The following SORCS1 variants were observed in gnomAD, a reference collection of about 807,000 sequenced individuals.
SORCS1 encodes sortilin related VPS10 domain containing receptor 1.
Under a neutral mutation model 146.1 loss-of-function variants are expected in SORCS1, and 60 were observed. That is an observed-to-expected ratio of 0.41 (90% CI 0.33 to 0.51). The LOEUF is 0.51. Ranked by LOEUF, SORCS1 falls within the 20% of genes least tolerant of loss-of-function variation. The pLI, the probability that SORCS1 is intolerant of heterozygous loss-of-function variation, is 0.21. For synonymous variants in SORCS1, 637 were observed against 584.0 expected (o/e 1.09, Z -1.31); for missense variants, 1,352 against 1,487.6 (o/e 0.91, Z 1.50).
chr10:107,090,336 T>C (rs1288937357), intron 1 of SORCS1, among the ~76,000 whole-genome samples: 2 of 152,138 alleles, frequency 1.3e-5, no homozygotes, highest in Non-Finnish European at 2.9e-5. Context: ...CCAGTTACCA[T>C]GTAAGTTGTG....
Position 106,668,830 on chromosome 10 carries a change from G to A in SORCS1, c.2190-1028C>T, listed in dbSNP as rs1851367160. Among the ~76,000 whole-genome samples, 7 of 152,266 alleles carry A rather than the reference G, an allele frequency of 4.6e-5. No homozygotes were observed. The South Asian group carries it at 1.2e-3, about 27-fold the overall frequency. On this transcript the variant is annotated intron_variant, in intron 16 of 25. Coordinates refer to ENST00000263054, the MANE Select transcript of SORCS1 (RefSeq NM_052918.5). ...AGGAAGTTACTTTACGAATGCTGGA[G>A]AGGGACAGGCAAGGTCATTTGGGGG...
At position 106,576,008 on chromosome 10, in the gene SORCS1, G is replaced by T; in HGVS notation, c.*1412C>A. 6.6e-6 allele frequency: 1 copy of T among 152,638 alleles called. No homozygotes were observed. The allele number at this position is 152,638 out of a possible 1,614,324, so 9.5% of individuals were successfully genotyped here. The stretch of plus-strand genomic sequence containing the variant: ...GATCGCACGAGATTTTCGTTAAGGT[G>T]TGAGAACACCACAATTCATCTCTAT... On this transcript the variant is annotated 3_prime_UTR_variant, in exon 26 of 26. Coordinates refer to ENST00000263054, the MANE Select transcript of SORCS1 (RefSeq NM_052918.5).
At chr10:107,026,462 A>G (rs760776075) in intron 1 of SORCS1, among the ~76,000 whole-genome samples, 1 of 151,982 alleles carries the variant, frequency 6.6e-6, no homozygotes, top group Non-Finnish European at 1.5e-5. Context: ...TACTAAAAAT[A>G]CAAAAAATTA....
chr10:106,694,084 G>A (rs995016502), intron 9 of SORCS1, among the ~76,000 whole-genome samples: 4 of 152,126 alleles, frequency 2.6e-5, no homozygotes, highest in South Asian at 2.1e-4. Context: ...TATTTTTCTC[G>A]AGAGGACAAC....
At chr10:106,954,577 T>C (rs899398475) in intron 2 of SORCS1, among the ~76,000 whole-genome samples, 12 of 152,192 alleles carry the variant, frequency 7.9e-5, no homozygotes, top group African/African-American at 2.9e-4. Context: ...CTTGTCCCTA[T>C]CTGCCTAGGA....
intron 17 of SORCS1, among the ~76,000 whole-genome samples, chr10:106,659,428 A>C (rs948236309): frequency 6.6e-6 from 1 of 152,224 alleles, no homozygotes; most frequent in African/African-American, 2.4e-5. Context: ...ACTGATTGAG[A>C]ATGGCTCACA....
chr10:106,996,257 T>C (rs1364103378), intron 1 of SORCS1, among the ~76,000 whole-genome samples: 1 of 4,894 alleles, frequency 2.0e-4, no homozygotes, highest in Non-Finnish European at 2.8e-4. Context: ...AAATAGAATG[T>C]AGAAATGAAA....
intron 20 of SORCS1, 35 bp from the exon 21 acceptor site, chr10:106,618,307 C>T (rs1277345809): frequency 6.2e-7 from 1 of 1,608,158 alleles, no homozygotes; most frequent in African/African-American, 1.3e-5. Context: ...GAAGGGAAAG[C>T]TCTTTAGTTA....
intron 6 of SORCS1, among the ~76,000 whole-genome samples, chr10:106,723,229 A>G (rs1035242201): frequency 9.2e-5 from 14 of 152,218 alleles, no homozygotes; most frequent in Admixed American, 1.3e-4. Context: ...AACGGAGATT[A>G]AATAAGATAC....
At chr10:106,830,230 T>C (rs1948481188) in intron 2 of SORCS1, among the ~76,000 whole-genome samples, 1 of 152,228 alleles carries the variant, frequency 6.6e-6, no homozygotes, top group African/African-American at 2.4e-5. Context: ...TAAGCAATCC[T>C]GAGTCAGGAG....
intron 1 of SORCS1, among the ~76,000 whole-genome samples, chr10:107,083,981 AC>A (rs1313530485): frequency 6.6e-6 from 1 of 152,134 alleles, no homozygotes; most frequent in African/African-American, 2.4e-5. Flanking sequence ...TCCATTTCCT[AC>A]CTAACACAAC....
intron 1 of SORCS1, among the ~76,000 whole-genome samples, chr10:107,084,490 TGCA>T (rs1963614198): frequency 6.6e-6 from 1 of 151,698 alleles, no homozygotes; most frequent in Non-Finnish European, 1.5e-5. Flanking sequence ...GTATAAAGAC[TGCA>T]GATGTGTTTG....
intron 8 of SORCS1, among the ~76,000 whole-genome samples, chr10:106,705,400 C>T (rs948089788): frequency 6.6e-6 from 1 of 152,146 alleles, no homozygotes; most frequent in Non-Finnish European, 1.5e-5. Context: ...ACCACTGGCT[C>T]TCCCGGGAGA....
intron 2 of SORCS1, among the ~76,000 whole-genome samples, chr10:106,883,448 T>C (rs909124483): frequency 6.7e-6 from 1 of 150,374 alleles, no homozygotes; most frequent in African/African-American, 2.5e-5. Context: ...GGAGTCTTGC[T>C]CTATCACCCA....
chr10:107,132,868 T>A (rs1415495), intron 1 of SORCS1, among the ~76,000 whole-genome samples: 38,041 of 151,596 alleles, frequency 0.25, 5,759 homozygotes, highest in African/African-American at 0.43. Flanking sequence ...TAAAAAAAAA[T>A]AAAAAACGAG....
chr10:107,095,432 C>A (rs1168289320), intron 1 of SORCS1, among the ~76,000 whole-genome samples: 1 of 152,134 alleles, frequency 6.6e-6, no homozygotes, highest in East Asian at 1.9e-4. Flanking sequence ...AACTCATAGT[C>A]TCCCTGAACC....
chr10:106,611,948 C>G lies in SORCS1; in HGVS notation c.2996G>C (p.Arg999Thr), dbSNP rs1484723417. 1.5e-5 allele frequency: 25 copies of G among 1,614,114 alleles called. No individual in the cohort carries two copies. Among genetic ancestry groups the G allele is most frequent in the Non-Finnish European group, 2.1e-5 (25 of 1,179,984 alleles). The part of the protein sequence containing the change: ...DYNPDIPEWR[R>T]DIGRVIKKSL... ...TTTTTTGATGACTCGACCGATGTCC[C>G]TCCTCCACTCAGGGATGTCCGGGTT... Residue 999 changes from arginine (R) to threonine (T), a missense_variant, in exon 22 of 26, where the codon AGG (arginine) becomes ACG (threonine). Physicochemically the swap from Arg to Thr is moderately conservative, Grantham distance 71 (BLOSUM62 -1). Coordinates refer to ENST00000263054, the MANE Select transcript of SORCS1 (RefSeq NM_052918.5).
chr10:106,918,361 C>T (rs1381291551), intron 2 of SORCS1, among the ~76,000 whole-genome samples: 1 of 152,026 alleles, frequency 6.6e-6, no homozygotes, highest in Admixed American at 6.6e-5. Flanking sequence ...GATGGTGTTT[C>T]ACCATGTTAG....
intron 1 of SORCS1, among the ~76,000 whole-genome samples, chr10:107,035,104 C>G (rs1461079132): frequency 6.6e-6 from 1 of 151,838 alleles, no homozygotes; most frequent in Non-Finnish European, 1.5e-5. Flanking sequence ...TTCATTACCA[C>G]CTTTTTTTTA....
Sources: allele counts gnomAD v4.1 joint callset (sites outside exome capture counted in the v4.1 genomes callset), GRCh38; gene constraint gnomAD v4.1.1; transcripts MANE v1.5; gene names NCBI Gene and HGNC (gene_info 2026-07-23, HGNC 2026-07-21).